The following PYHIN1 variants were observed in gnomAD, a reference collection of about 807,000 sequenced individuals.
PYHIN1 encodes the protein pyrin and HIN domain family member 1, also known as pyrin and HIN domain-containing protein 1.
Under a neutral mutation model 43.7 loss-of-function variants are expected in PYHIN1, and 32 were observed. The observed-to-expected ratio is 0.73, with a 90% CI of 0.55 to 0.98. PYHIN1 has a LOEUF of 0.98. Ranked by LOEUF, PYHIN1 falls within the 50% of genes least tolerant of loss-of-function variation. The pLI, the probability that PYHIN1 is intolerant of heterozygous loss-of-function variation, is 0.00. For missense variants in PYHIN1, 588 were observed against 589.5 expected, an observed-to-expected ratio of 1.00 and a Z score of 0.03; for synonymous variants, 205 against 203.1, an observed-to-expected ratio of 1.01 and a Z score of -0.08.
intron 7 of PYHIN1, among the ~76,000 whole-genome samples, chr1:158,955,615 A>G (rs1185736784): frequency 7.2e-6 from 1 of 138,568 alleles, no homozygotes; most frequent in Non-Finnish European, 1.6e-5. Flanking sequence ...GTGTAGAGGG[A>G]AATTTATAGC....
chr1:158,990,716 T>TCTA, the PYHIN1 span, among the ~76,000 whole-genome samples: 8 of 152,156 alleles, frequency 5.3e-5, no homozygotes, highest in African/African-American at 1.7e-4. Context: ...CACTCTACTC[T>TCTA]CTACCACTAT....
intron 7 of PYHIN1, 73 bp from the exon 8 acceptor site, chr1:158,973,574 A>C: frequency 6.6e-7 from 1 of 1,525,160 alleles, no homozygotes; most frequent in Non-Finnish European, 9.1e-7. Context: ...TATATAGGAA[A>C]ATATTAAGCA....
At position 158,944,900 on chromosome 1, in the gene PYHIN1, G is replaced by T. The variant is rs770353901; in HGVS notation, c.1217G>T (p.Ser406Ile). The T allele has an allele frequency of 1.9e-6, 3 of 1,593,468 alleles. No homozygotes were observed. In the South Asian group the frequency reaches 3.4e-5, roughly 18 times the overall value. The change falls in exon 7 of 9, where the codon AGC (serine) becomes ATC (isoleucine). Residue 406 changes from serine (S) to isoleucine (I), a missense_variant. Physicochemically the swap from Ser to Ile is moderately radical, Grantham distance 142 (BLOSUM62 -2). Transcript: ENST00000368140. Reference protein sequence around the residue: ...IQIQKNTNQRSHDSRSMALPQ... With the variant: ...IQIQKNTNQRIHDSRSMALPQ... ...ATACAGAAAAATACAAACCAGAGAA[G>T]CCATGACTCCAGGAGCATGGCACTA...
chr1:158,937,228 A>G, intron 2 of PYHIN1, 53 bp downstream of exon 2: 5 of 1,503,270 alleles, frequency 3.3e-6, no homozygotes, highest in Non-Finnish European at 4.4e-6. Flanking sequence ...ACCCTTCCCA[A>G]CCTTGATTAG....
intron 7 of PYHIN1, among the ~76,000 whole-genome samples, chr1:158,967,518 C>G (rs908441834): frequency 6.6e-6 from 1 of 151,982 alleles, no homozygotes; most frequent in Non-Finnish European, 1.5e-5. Context: ...GCCAGATTTC[C>G]CAAAGCAATG....
At chr1:158,952,085 A>T (rs1649567821) in intron 7 of PYHIN1, among the ~76,000 whole-genome samples, 1 of 147,354 alleles carries the variant, frequency 6.8e-6, no homozygotes, top group Non-Finnish European at 1.5e-5. Flanking sequence ...GCGCTTGCCT[A>T]GGCGCCGCTT....
chr1:158,949,630 C>G (rs1042964765), intron 7 of PYHIN1, among the ~76,000 whole-genome samples: 5 of 148,376 alleles, frequency 3.4e-5, no homozygotes, highest in African/African-American at 1.0e-4. Flanking sequence ...AGAATATGCA[C>G]TGTTTGGTTT....
chr1:158,987,495 C>T, the PYHIN1 span, among the ~76,000 whole-genome samples: 1 of 151,904 alleles, frequency 6.6e-6, no homozygotes, highest in Non-Finnish European at 1.5e-5. Flanking sequence ...CACTGGTTGT[C>T]TTCTCATATT....
At chr1:158,946,617 A>C (rs1649238487) in intron 7 of PYHIN1, among the ~76,000 whole-genome samples, 1 of 152,108 alleles carries the variant, frequency 6.6e-6, no homozygotes, top group Admixed American at 6.6e-5. Flanking sequence ...GATTTCCTAC[A>C]ATCTAAAGAA....
chr1:158,948,136 G>A (rs549338323), intron 7 of PYHIN1, among the ~76,000 whole-genome samples: 21 of 152,122 alleles, frequency 1.4e-4, no homozygotes, highest in African/African-American at 4.3e-4. Context: ...TGGGTGGGGC[G>A]GTCATTGCTA....
the PYHIN1 span, among the ~76,000 whole-genome samples, chr1:158,987,791 C>T: frequency 7.7e-3 from 1,175 of 152,176 alleles, 15 homozygotes; most frequent in African/African-American, 0.027. Flanking sequence ...TTGAAAATGA[C>T]TAGTCTTTTC....
chr1:158,961,164 AAC>A (rs1650297966), intron 7 of PYHIN1, among the ~76,000 whole-genome samples: 1 of 152,192 alleles, frequency 6.6e-6, no homozygotes, highest in South Asian at 2.1e-4. Context: ...TCTTTTTCAT[AAC>A]ACAGTCATGA....
At position 158,939,510 on chromosome 1, in the gene PYHIN1, C is replaced by G. The variant is rs536149319; in HGVS notation, c.579+263C>G. The G allele has an allele frequency of 4.7e-5, 73 of 1,550,674 alleles. 1 individual carries two copies. The East Asian group carries it at 1.7e-3, about 37-fold the overall frequency. On this transcript the variant is annotated intron_variant, in intron 4 of 8. Coordinates refer to ENST00000368140, the MANE Select transcript of PYHIN1 (RefSeq NM_152501.5). ...GGAATCTGGAACTTTCAGCAACAGA[C>G]TCACTGTCTACTGCCCCCATCTATT...
chr1:158,939,476 G>A (rs2101651476), intron 4 of PYHIN1: 1 of 1,551,148 alleles, frequency 6.4e-7, no homozygotes, highest in Non-Finnish European at 8.7e-7. Context: ...GGAAGAGACA[G>A]AGAACTGCGG....
rs1204937836 is a variant in PYHIN1 at position 158,944,888 on chromosome 1, C to G, written c.1205C>G (p.Thr402Arg). The part of the protein sequence containing the change: ...MHSFIQIQKN[T>R]NQRSHDSRSM... The stretch of plus-strand genomic sequence containing the variant: ...GAATACTTTCAGATACAGAAAAATA[C>G]AAACCAGAGAAGCCATGACTCCAGG... Residue 402 changes from threonine (T) to arginine (R), a missense_variant, in exon 7 of 9, where the codon ACA becomes AGA. Coordinates refer to ENST00000368140, the MANE Select transcript of PYHIN1 (RefSeq NM_152501.5). The G allele has an allele frequency of 1.3e-6, 2 of 1,573,822 alleles. No homozygotes were observed. The highest frequency in any genetic ancestry group is 2.3e-5 in the East Asian group (1 of 44,162).
At position 158,944,868 on chromosome 1, in the gene PYHIN1, C is replaced by A. The variant is rs747999940; in HGVS notation, c.1192-7C>A. ...AAAACATTAAACAAAAAAATGAATA[C>A]TTTCAGATACAGAAAAATACAAACC... On this transcript the variant is annotated splice_region_variant and splice_polypyrimidine_tract_variant and intron_variant, in intron 6 of 8. Coordinates refer to ENST00000368140, the MANE Select transcript of PYHIN1 (RefSeq NM_152501.5). 1.3e-6 allele frequency: 2 copies of A among 1,548,220 alleles called. No homozygotes were observed. Among genetic ancestry groups the A allele is most frequent in the Non-Finnish European group, 1.7e-6 (2 of 1,150,314 alleles).
At position 158,942,371 on chromosome 1, in the gene PYHIN1, T is replaced by C; in HGVS notation, c.974T>C (p.Ile325Thr). Residue 325 changes from isoleucine to threonine, a missense_variant, in exon 5 of 9, where the codon ATT (isoleucine) becomes ACT (threonine). By Grantham distance (89) the Ile-to-Thr change is moderately conservative. Transcript: ENST00000368140. ...NILHKQTSGY[I>T]VYGLFMLHTK... ...CTTCACAAACAAACTTCAGGATATATTGTATATGGATTATTTATGCTACAT... is the reference window on the plus strand; with the variant it reads ...CTTCACAAACAAACTTCAGGATATACTGTATATGGATTATTTATGCTACAT... 1 of 1,607,588 alleles carries C rather than the reference T, an allele frequency of 6.2e-7. No homozygotes were observed. Among genetic ancestry groups the C allele is most frequent in the Non-Finnish European group, 8.5e-7 (1 of 1,177,952 alleles).
the PYHIN1 span, among the ~76,000 whole-genome samples, chr1:158,983,808 A>G: frequency 1.3e-5 from 2 of 152,148 alleles, no homozygotes; most frequent in East Asian, 1.9e-4. Flanking sequence ...TATGGATTCA[A>G]TTTCAGAACT....
At chr1:158,962,047 G>T in intron 7 of PYHIN1, among the ~76,000 whole-genome samples, 1 of 152,226 alleles carries the variant, frequency 6.6e-6, no homozygotes, top group East Asian at 1.9e-4. Flanking sequence ...CCCCCAGAGG[G>T]AGAGGAAGCC....
Sources: allele counts gnomAD v4.1 joint callset (sites outside exome capture counted in the v4.1 genomes callset), GRCh38; gene constraint gnomAD v4.1.1; transcripts MANE v1.5; gene names NCBI Gene and HGNC (gene_info 2026-07-23, HGNC 2026-07-21).